NSMAF: variants seen among roughly 807,000 people sequenced by gnomAD.
NSMAF encodes the protein protein FAN.
A neutral mutation model predicts 134.9 loss-of-function variants in NSMAF; 90 were observed. The ratio of observed to expected loss-of-function variants is 0.67; its 90% CI spans 0.56 to 0.79. NSMAF has a LOEUF of 0.79. NSMAF is among the 30% of genes least tolerant of loss of function. The pLI is 0.00. For missense variants in NSMAF, 1,010 were observed against 1,119.0 expected (o/e 0.90, Z 1.39); for synonymous variants, 358 against 389.6 (o/e 0.92, Z 0.96).
chr8:58,619,955 A>G (rs1806745442), intron 9 of NSMAF, among the ~76,000 whole-genome samples: 1 of 152,210 alleles, frequency 6.6e-6, no homozygotes, highest in Non-Finnish European at 1.5e-5. Flanking sequence ...ACTACCAGAT[A>G]TCAATAGTTA....
At chr8:58,644,584 A>T (rs547737435) in intron 1 of NSMAF, among the ~76,000 whole-genome samples, 1 of 152,348 alleles carries the variant, frequency 6.6e-6, no homozygotes, top group East Asian at 1.9e-4. Flanking sequence ...AGAACTAGAA[A>T]TACCATTTGA....
intron 26 of NSMAF, among the ~76,000 whole-genome samples, chr8:58,589,175 A>G (rs1238601818): frequency 2.7e-5 from 4 of 148,030 alleles, no homozygotes; most frequent in Non-Finnish European, 4.5e-5. Flanking sequence ...ATAAAAATAT[A>G]TAAATATATG....
Position 58,597,459 on chromosome 8 carries a change from G to A in NSMAF, c.1720C>T (p.Arg574Ter), listed in dbSNP as rs762905527. Residue 574 changes from arginine (R) to a stop codon, truncating the protein, a stop_gained, in exon 21 of 31, where the codon CGA (arginine) becomes TGA (stop). Transcript: ENST00000038176. LOFTEE classifies it high-confidence loss of function. Reference sequence around the variant, plus strand: ...CTTTTAAACTTTGGGGTGATCCTTCGAGGATGTGGTGTCACAAATAGTTGT... The same window carrying A: ...CTTTTAAACTTTGGGGTGATCCTTCAAGGATGTGGTGTCACAAATAGTTGT... ...PKQLFVTPHP[R>*]RITPKFKSLS... 4.2e-5 allele frequency: 67 copies of A among 1,613,984 alleles called. No individual in the cohort carries two copies. The highest frequency in any genetic ancestry group is 3.3e-5 in the Admixed American group (2 of 60,006).
Position 58,624,952 on chromosome 8 carries a change from G to A in NSMAF, c.385-1172C>T, listed in dbSNP as rs149185722. Among the ~76,000 whole-genome samples the A allele has an allele frequency of 1.2e-3, 183 of 152,288 alleles. 1 individual carries two copies. The highest frequency in any genetic ancestry group is 4.2e-3 in the African/African-American group (176 of 41,554). On this transcript the variant is annotated intron_variant, in intron 6 of 30. Transcript: ENST00000038176. Reference sequence around the variant, plus strand: ...AGGTTGGGTACATACATATGGTGATGATTAATTTTATATGTCAGCTTGACT... The same window carrying A: ...AGGTTGGGTACATACATATGGTGATAATTAATTTTATATGTCAGCTTGACT...
At position 58,594,273 on chromosome 8, in the gene NSMAF, G is replaced by C; in HGVS notation, c.1910C>G (p.Thr637Arg). The C allele has an allele frequency of 6.2e-7, 1 of 1,614,082 alleles. No homozygotes were observed. Among genetic ancestry groups the C allele is most frequent in the Non-Finnish European group, 8.5e-7 (1 of 1,179,912 alleles). Residue 637 changes from threonine (T) to arginine (R), a missense_variant, in exon 23 of 31, where the codon ACG (threonine) becomes AGG (arginine). Physicochemically the swap from Thr to Arg is moderately conservative, Grantham distance 71 (BLOSUM62 -1). Coordinates refer to ENST00000038176, the MANE Select transcript of NSMAF (RefSeq NM_003580.4). Reference sequence around the variant, plus strand: ...TACTGAAGATCCATTGCGAGAGACCGTGATTCCAGTAACTGCTCTGCTCAA... The same window carrying C: ...TACTGAAGATCCATTGCGAGAGACCCTGATTCCAGTAACTGCTCTGCTCAA... ...KIHKEAVTGI[T>R]VSRNGSSVFT...
chr8:58,634,369 C>T (rs1259062574), intron 5 of NSMAF, among the ~76,000 whole-genome samples: 2 of 152,216 alleles, frequency 1.3e-5, no homozygotes, highest in African/African-American at 4.8e-5. Context: ...GGAGCATGCT[C>T]TTCCCCTCCC....
intron 1 of NSMAF, among the ~76,000 whole-genome samples, chr8:58,649,781 A>C (rs1807542458): frequency 6.6e-6 from 1 of 152,110 alleles, no homozygotes; most frequent in South Asian, 2.1e-4. Context: ...CATGAGTAAA[A>C]GCTCCCTGAG....
chr8:58,595,631 T>C lies in NSMAF; in HGVS notation c.1821A>G (p.Glu607=), dbSNP rs1276046847. 9 of 1,613,968 alleles carry C rather than the reference T, an allele frequency of 5.6e-6. No homozygotes were observed. The highest frequency in any genetic ancestry group is 7.6e-6 in the Non-Finnish European group (9 of 1,179,946). The change falls in exon 22 of 31, where the codon GAA becomes GAG. Residue 607 remains glutamate (E), a synonymous_variant. Coordinates refer to ENST00000038176, the MANE Select transcript of NSMAF (RefSeq NM_003580.4). ...PGEESFEDLT[E]ESKTLAWNNI... Reference sequence around the variant, plus strand: ...TATTCCAGGCCAGTGTTTTGCTTTCTTCGGTCAGGTCTTCAAAAGACTCTT... The same window carrying C: ...TATTCCAGGCCAGTGTTTTGCTTTCCTCGGTCAGGTCTTCAAAAGACTCTT...
chr8:58,586,188 G>A (rs1805881744), intron 28 of NSMAF, among the ~76,000 whole-genome samples, 188 bp from the exon 29 acceptor site: 1 of 152,130 alleles, frequency 6.6e-6, no homozygotes, highest in African/African-American at 2.4e-5. Flanking sequence ...AGGATGAGAT[G>A]ACCCTTTGAT....
Position 58,623,719 on chromosome 8 carries a change from G to A in NSMAF, c.446C>T (p.Thr149Met), listed in dbSNP as rs1391997756. The A allele has an allele frequency of 1.2e-5, 20 of 1,613,866 alleles. No homozygotes were observed. The highest frequency in any genetic ancestry group is 4.5e-5 in the East Asian group (2 of 44,866). ...CCAGCAAGTGCTTACCTGAAGCAAC[G>A]TCTCCACAACATCTTCCACTTTCCC... Reference protein sequence around the residue: ...VPGKVEDVVETLLQLHRASCL... With the variant: ...VPGKVEDVVEMLLQLHRASCL... Residue 149 changes from threonine (T) to methionine (M), a missense_variant, in exon 7 of 31, where the codon ACG becomes ATG. Transcript: ENST00000038176.
chr8:58,622,605 G>A (rs920917989), intron 9 of NSMAF, among the ~76,000 whole-genome samples: 2 of 152,074 alleles, frequency 1.3e-5, no homozygotes, highest in Non-Finnish European at 2.9e-5. Context: ...ATTTTGGCCA[G>A]GCTGGTCTTG....
In NSMAF at chr8:58,623,242, T is replaced by C. The variant is rs766871538; in HGVS notation, c.535A>G (p.Arg179Gly). Reference protein sequence around the residue: ...ITAILQSRLARTSFDKNRFQN... With the variant: ...ITAILQSRLAGTSFDKNRFQN... Reference sequence around the variant, plus strand: ...TACCTGTTTTTGTCAAATGATGTTCTAGCTAAACGAGACTGCAAAATAGCT... The same window carrying C: ...TACCTGTTTTTGTCAAATGATGTTCCAGCTAAACGAGACTGCAAAATAGCT... The change falls in exon 9 of 31, where the codon AGA (arginine) becomes GGA (glycine). Residue 179 changes from arginine to glycine, a missense_variant. Arg to Gly is a moderately radical substitution (Grantham distance 125, BLOSUM62 -2). Transcript: ENST00000038176. 6.2e-7 allele frequency: 1 copy of C among 1,610,224 alleles called. No individual in the cohort carries two copies. Among genetic ancestry groups the C allele is most frequent in the South Asian group, 1.1e-5 (1 of 90,896 alleles).
Position 58,597,865 on chromosome 8 carries a change from C to G in NSMAF, c.1623G>C (p.Leu541Phe). 6.2e-7 allele frequency: 1 copy of G among 1,600,858 alleles called. No individual in the cohort carries two copies. Among genetic ancestry groups the G allele is most frequent in the Non-Finnish European group, 8.6e-7 (1 of 1,168,308 alleles). The change falls in exon 20 of 31, where the codon TTG becomes TTC. Residue 541 changes from leucine (L) to phenylalanine (F), a missense_variant. By Grantham distance (22) the Leu-to-Phe change is conservative (BLOSUM62 0). Coordinates refer to ENST00000038176, the MANE Select transcript of NSMAF (RefSeq NM_003580.4). ...CCTTATTGACATATAAGTACCTGTT[C>G]AAGTCTACACCTCCTTCATAGGTCA... is the stretch of plus-strand genomic sequence containing the variant. ...HPLTYEGGVDLNSIQDPDEKV... is the reference protein window; with the variant it reads ...HPLTYEGGVDFNSIQDPDEKV...
intron 16 of NSMAF, 63 bp from the exon 17 acceptor site, chr8:58,600,084 A>T (rs1207673455): frequency 2.4e-6 from 3 of 1,224,862 alleles, no homozygotes; most frequent in Non-Finnish European, 2.4e-6. Context: ...AGCATTTCCT[A>T]TGCACTTGGG....
At chr8:58,645,754 T>A (rs1456399090) in intron 1 of NSMAF, among the ~76,000 whole-genome samples, 1 of 151,800 alleles carries the variant, frequency 6.6e-6, no homozygotes, top group African/African-American at 2.4e-5. Context: ...CAAAAAAAAA[T>A]AATAGGCCAG....
intron 1 of NSMAF, among the ~76,000 whole-genome samples, chr8:58,646,602 G>C (rs1044167548): frequency 4.6e-5 from 7 of 152,066 alleles, no homozygotes; most frequent in Non-Finnish European, 1.5e-5. Context: ...ACTTTTCTGA[G>C]TCTATGTTTT....
At chr8:58,616,330 A>AT (rs772429773) in intron 9 of NSMAF, among the ~76,000 whole-genome samples, 31 of 152,178 alleles carry the variant, frequency 2.0e-4, no homozygotes, top group Non-Finnish European at 4.3e-4. Flanking sequence ...TTACAGAGCA[A>AT]TATCCCTCAT....
intron 2 of NSMAF, among the ~76,000 whole-genome samples, chr8:58,638,419 C>T (rs1237388914): frequency 6.6e-6 from 1 of 152,028 alleles, no homozygotes. Flanking sequence ...TACAAAGCTA[C>T]ATTAATCAAA....
chr8:58,652,248 C>T (rs1807602318), intron 1 of NSMAF, among the ~76,000 whole-genome samples: 2 of 152,126 alleles, frequency 1.3e-5, no homozygotes, highest in South Asian at 4.1e-4. Flanking sequence ...CTACAAAGAA[C>T]AATTAGACTT....
Sources: allele counts gnomAD v4.1 joint callset (sites outside exome capture counted in the v4.1 genomes callset), GRCh38; gene constraint gnomAD v4.1.1; transcripts MANE v1.5; gene names NCBI Gene and HGNC (gene_info 2026-07-23, HGNC 2026-07-21).